The following PTAFR variants were observed in gnomAD, a reference collection of about 807,000 sequenced individuals.
PTAFR encodes the protein platelet-activating factor receptor.
A neutral mutation model predicts 14.7 loss-of-function variants in PTAFR; 8 were observed. The ratio of observed to expected loss-of-function variants is 0.54; its 90% CI spans 0.32 to 0.98. The LOEUF (loss-of-function observed/expected upper bound fraction) is 0.98. Among genes scored for constraint, PTAFR ranks in the 50% least tolerant of loss-of-function variants. The pLI, the probability that PTAFR is intolerant of heterozygous loss-of-function variation, is 0.04. For synonymous variants in PTAFR, 156 were observed against 176.5 expected (o/e 0.88, Z 0.92); for missense variants, 337 against 451.2 (o/e 0.75, Z 2.29).
At chr1:28,173,314 G>A (rs1037645653) in intron 1 of PTAFR, among the ~76,000 whole-genome samples, 4 of 95,854 alleles carry the variant, frequency 4.2e-5, no homozygotes, top group Admixed American at 1.2e-4. Context: ...GGGGGTGTGC[G>A]GGGGGTGTAG....
intron 1 of PTAFR, among the ~76,000 whole-genome samples, chr1:28,168,247 A>G (rs1312183870): frequency 6.6e-6 from 1 of 151,700 alleles, no homozygotes; most frequent in Non-Finnish European, 1.5e-5. Context: ...CTGGGATTAC[A>G]GGCGTGAGCC....
At chr1:28,157,330 AG>A (rs1286869762) in intron 1 of PTAFR, among the ~76,000 whole-genome samples, 1 of 151,846 alleles carries the variant, frequency 6.6e-6, no homozygotes, top group African/African-American at 2.4e-5. Context: ...GGTAGAGATG[AG>A]GCATGCCCAC....
intron 1 of PTAFR, among the ~76,000 whole-genome samples, chr1:28,155,623 G>A (rs1313060263): frequency 6.6e-6 from 1 of 152,158 alleles, no homozygotes; most frequent in Non-Finnish European, 1.5e-5. Context: ...TCAACACTCT[G>A]GGAGGCCAAG....
chr1:28,157,786 G>A (rs1252061181), intron 1 of PTAFR, among the ~76,000 whole-genome samples: 3 of 151,732 alleles, frequency 2.0e-5, no homozygotes, highest in South Asian at 2.1e-4. Context: ...CTGCCACGAC[G>A]CCCGGCTAAT....
upstream of PTAFR, among the ~76,000 whole-genome samples, chr1:28,180,473 A>G (rs966739295): frequency 6.6e-6 from 1 of 152,218 alleles, no homozygotes; most frequent in African/African-American, 2.4e-5. Flanking sequence ...CTCTTCTCCC[A>G]TCCTCTGACA....
At chr1:28,169,937 TTGCAG>T (rs1646433792) in intron 1 of PTAFR, among the ~76,000 whole-genome samples, 1 of 151,786 alleles carries the variant, frequency 6.6e-6, no homozygotes, top group Non-Finnish European at 1.5e-5. Flanking sequence ...GAGGCAGAGA[TTGCAG>T]TGAGCCAAGA....
intron 1 of PTAFR, 68 bp from the exon 2 acceptor site, chr1:28,151,127 C>T: frequency 1.2e-6 from 1 of 858,228 alleles, no homozygotes; most frequent in Non-Finnish European, 1.8e-6. Flanking sequence ...TCATCAGTTC[C>T]AAGACTCCTT....
At chr1:28,171,389 C>G (rs368675478) in intron 1 of PTAFR, among the ~76,000 whole-genome samples, 93 of 152,040 alleles carry the variant, frequency 6.1e-4, no homozygotes, top group African/African-American at 2.2e-3. Context: ...CTCTACAGTG[C>G]TAGGCATATA....
intron 1 of PTAFR, among the ~76,000 whole-genome samples, chr1:28,182,655 TA>T (rs1646571622): frequency 6.6e-6 from 1 of 151,984 alleles, no homozygotes; most frequent in Admixed American, 6.6e-5. Context: ...GAGGATCCAT[TA>T]TACCTTTAAA....
At chr1:28,168,652 G>A (rs1031299463) in intron 1 of PTAFR, among the ~76,000 whole-genome samples, 3 of 152,062 alleles carry the variant, frequency 2.0e-5, no homozygotes, top group Non-Finnish European at 4.4e-5. Context: ...TTTCAGTCAT[G>A]CAAGATGAAA....
At chr1:28,163,171 C>T (rs982546406) in intron 1 of PTAFR, among the ~76,000 whole-genome samples, 1 of 152,174 alleles carries the variant, frequency 6.6e-6, no homozygotes, top group Admixed American at 6.6e-5. Flanking sequence ...AAGACCTAAT[C>T]TGAAAAAGCA....
chr1:28,178,109 C>T (rs1489623592), upstream of PTAFR, among the ~76,000 whole-genome samples: 1 of 152,130 alleles, frequency 6.6e-6, no homozygotes, highest in Non-Finnish European at 1.5e-5. Flanking sequence ...GGACCAGGGT[C>T]CCACAGCAAG....
intron 1 of PTAFR, among the ~76,000 whole-genome samples, chr1:28,184,347 C>A (rs1401782429): frequency 6.6e-6 from 1 of 152,030 alleles, no homozygotes; most frequent in Non-Finnish European, 1.5e-5. Context: ...CCCACCTTGG[C>A]CTCCCAAAGT....
At chr1:28,183,901 CA>C (rs1451566711) in intron 1 of PTAFR, among the ~76,000 whole-genome samples, 2 of 151,266 alleles carry the variant, frequency 1.3e-5, no homozygotes, top group African/African-American at 4.9e-5. Flanking sequence ...CAAAACAAAA[CA>C]AAACAAAAAA....
At chr1:28,171,366 G>A (rs1646451854) in intron 1 of PTAFR, among the ~76,000 whole-genome samples, 1 of 151,558 alleles carries the variant, frequency 6.6e-6, no homozygotes, top group Non-Finnish European at 1.5e-5. Flanking sequence ...CCCTGATGTT[G>A]AAGACAGACA....
chr1:28,172,461 G>A (rs1045367517), intron 1 of PTAFR, among the ~76,000 whole-genome samples: 4 of 152,230 alleles, frequency 2.6e-5, no homozygotes, highest in Admixed American at 6.5e-5. Flanking sequence ...ACAGACCTGA[G>A]TCTGCACCTG....
Position 28,175,159 on chromosome 1 carries a change from G to T in PTAFR, c.-39+1433C>A, listed in dbSNP as rs143070511. On this transcript the variant is annotated intron_variant, in intron 1 of 1. Coordinates refer to ENST00000373857, the MANE Select transcript of PTAFR (RefSeq NM_000952.5). ...CATCTCTTGACCTCGTGATCTACCC[G>T]CCTCGGCCTCCTAAAGTGCTGGGAT... Among the ~76,000 whole-genome samples the T allele has an allele frequency of 6.0e-4, 91 of 152,144 alleles. 1 individual carries two copies. Among genetic ancestry groups the T allele is most frequent in the Non-Finnish European group, 1.0e-3 (71 of 67,990 alleles).
rs1557682019 is a variant in PTAFR, at chr1:28,148,014, C to CA, written c.*1978dup. 1 of 152,400 alleles carries CA rather than the reference C, an allele frequency of 6.6e-6. No homozygotes were observed. Among genetic ancestry groups the CA allele is most frequent in the Non-Finnish European group, 1.5e-5 (1 of 68,080 alleles). The allele number at this position is 152,400 out of a possible 1,614,324, so 9.4% of individuals were successfully genotyped here. ...TACAGGTCCATCGAGAGGCATTTCT[C>CA]AAAATCAGCAATCCGGTGTTTGCCC... On this transcript the variant is annotated 3_prime_UTR_variant, in exon 2 of 2. Transcript: ENST00000373857.
chr1:28,178,008 G>C (rs1466220543), upstream of PTAFR, among the ~76,000 whole-genome samples: 1 of 152,094 alleles, frequency 6.6e-6, no homozygotes, highest in African/African-American at 2.4e-5. Flanking sequence ...ACCAGGCACT[G>C]GGGTGGACCC....
Sources: allele counts gnomAD v4.1 joint callset (sites outside exome capture counted in the v4.1 genomes callset), GRCh38; gene constraint gnomAD v4.1.1; transcripts MANE v1.5; gene names NCBI Gene and HGNC (gene_info 2026-07-23, HGNC 2026-07-21).